CD81: variants seen among roughly 807,000 people sequenced by gnomAD.
CD81 encodes CD81 molecule.
CD81 carries 10 observed loss-of-function variants against 30.1 expected under a neutral mutation model. That is an observed-to-expected ratio of 0.33 (90% CI 0.21 to 0.56). The LOEUF is 0.56. Ranked by LOEUF, CD81 falls within the 20% of genes least tolerant of loss-of-function variation. CD81 has a pLI of 0.89. For missense variants in CD81, 263 were observed against 308.7 expected, an observed-to-expected ratio of 0.85 and a Z score of 1.11; for synonymous variants, 147 against 126.4, an observed-to-expected ratio of 1.16 and a Z score of -1.10.
At chr11:2,386,296 G>A (rs1007868381) in intron 1 of CD81, 21 of 644,106 alleles carry the variant, frequency 3.3e-5, no homozygotes, top group Non-Finnish European at 5.4e-5. Context: ...ATACGTTCAG[G>A]GCACAGGTCC....
chr11:2,376,555 G>A (rs751938983), upstream of CD81, among the ~76,000 whole-genome samples: 1 of 152,196 alleles, frequency 6.6e-6, no homozygotes, highest in East Asian at 1.9e-4. Flanking sequence ...GAAGAGCCAC[G>A]GTGTGAGGCT....
intron 3 of CD81, 139 bp from the exon 4 acceptor site, chr11:2,394,833 G>A (rs778786748): frequency 1.8e-4 from 141 of 790,122 alleles, no homozygotes; most frequent in Non-Finnish European, 2.6e-4. Context: ...CACACAAGCC[G>A]CTCACTCCTG....
At chr11:2,396,563 G>A (rs549532667) in intron 6 of CD81, 65 bp from the exon 7 acceptor site, 12 of 1,340,604 alleles carry the variant, frequency 9.0e-6, no homozygotes, top group Admixed American at 3.4e-5. Flanking sequence ...GGATTACTGC[G>A]TGACAACGGG....
At chr11:2,393,792 G>T (rs1849945593) in intron 2 of CD81, 1 of 614,152 alleles carries the variant, frequency 1.6e-6, no homozygotes, top group African/African-American at 1.8e-5. Flanking sequence ...CAGGTGGCGG[G>T]CCCCACCGCA....
intron 1 of CD81, among the ~76,000 whole-genome samples, chr11:2,381,551 G>T (rs562202968): frequency 6.6e-6 from 1 of 152,214 alleles, no homozygotes; most frequent in Non-Finnish European, 1.5e-5. Context: ...ACCTGAAATC[G>T]CACCACGGGA....
Position 2,396,926 on chromosome 11 carries a change from C to G in CD81, c.*60C>G. On this transcript the variant is annotated 3_prime_UTR_variant, in exon 8 of 8. Transcript: ENST00000263645. ...TGCCCCCTAAGTGACCCGGACACTT[C>G]CGAGGGGGCCATCACCGCCTGTGTA... The G allele has an allele frequency of 6.8e-7, 1 of 1,473,578 alleles. No homozygotes were observed. The highest frequency in any genetic ancestry group is 2.3e-5 in the East Asian group (1 of 44,014). The allele number at this position is 1,473,578 out of a possible 1,614,324, so 91.3% of individuals were successfully genotyped here.
chr11:2,390,236 T>C (rs1589850727), intron 1 of CD81, 176 bp from the exon 2 acceptor site: 1 of 681,600 alleles, frequency 1.5e-6, no homozygotes, highest in East Asian at 2.7e-5. Context: ...ACCCGCCCCA[T>C]GCTCCTGACT....
chr11:2,387,443 G>C (rs1057203690), intron 1 of CD81, among the ~76,000 whole-genome samples: 1 of 152,220 alleles, frequency 6.6e-6, no homozygotes, highest in Non-Finnish European at 1.5e-5. Context: ...GAGTTACCAC[G>C]GCAACTCTCG....
At chr11:2,384,489 A>G (rs4930099) in intron 1 of CD81, among the ~76,000 whole-genome samples, 8 of 12,816 alleles carry the variant, frequency 6.2e-4, no homozygotes, top group Admixed American at 4.1e-3. Context: ...CTTGTGGGGT[A>G]GGGCGGCTTG....
rs748700088 is a variant in CD81 at position 2,395,045 on chromosome 11, A to G, written c.353A>G (p.Gln118Arg). 1.3e-6 allele frequency: 2 copies of G among 1,511,912 alleles called. No homozygotes were observed. Among genetic ancestry groups the G allele is most frequent in the Non-Finnish European group, 1.8e-6 (2 of 1,105,852 alleles). The allele number at this position is 1,511,912 out of a possible 1,614,324, so 93.7% of individuals were successfully genotyped here. Residue 118 changes from glutamine (Q) to arginine (R), a missense_variant and splice_region_variant, in exon 4 of 8, where the codon CAG becomes CGG. By Grantham distance (43) the Gln-to-Arg change is conservative. Coordinates refer to ENST00000263645, the MANE Select transcript of CD81 (RefSeq NM_004356.4). ...AGIWGFVNKD[Q>R]IAKDVKQFYD... ...ATCTGGGGCTTTGTCAACAAGGACCAGGTGAGCCTGGGTGTGCAGGGACAG... is the reference window on the plus strand; with the variant it reads ...ATCTGGGGCTTTGTCAACAAGGACCGGGTGAGCCTGGGTGTGCAGGGACAG...
intron 1 of CD81, among the ~76,000 whole-genome samples, chr11:2,379,997 G>T (rs1849678220): frequency 1.3e-5 from 2 of 152,182 alleles, no homozygotes; most frequent in African/African-American, 2.4e-5. Flanking sequence ...CTGGTCCTGG[G>T]CCTCGGCCTT....
chr11:2,395,079 G>GCAGGGACA (rs1411640897), intron 4 of CD81, 33 bp downstream of exon 4: 1 of 1,560,208 alleles, frequency 6.4e-7, no homozygotes, highest in Admixed American at 1.7e-5. Context: ...AGGGTGGGGT[G>GCAGGGACA]GGTGACGGGG....
At chr11:2,386,050 T>TC in intron 1 of CD81, 1 of 717,230 alleles carries the variant, frequency 1.4e-6, no homozygotes, top group South Asian at 1.5e-5. Context: ...CCCAGTTGCC[T>TC]CCCCCAGCAG....
At chr11:2,379,067 G>C in intron 1 of CD81, 1 of 438,556 alleles carries the variant, frequency 2.3e-6, no homozygotes, top group Non-Finnish European at 4.7e-6. Flanking sequence ...GGCCATTTGG[G>C]AGGGGCTCGC....
rs146996563 is a variant in CD81, at chr11:2,393,847, C to G, written c.182-248C>G. 97 of 668,728 alleles carry G rather than the reference C, an allele frequency of 1.5e-4. No homozygotes were observed. In the East Asian group the frequency reaches 2.6e-3, roughly 18 times the overall value. The allele number at this position is 668,728 out of a possible 1,614,324, so 41.4% of individuals were successfully genotyped here. A position where few individuals can be genotyped will look rare whatever the true frequency, so the allele number is the denominator to read the frequency against. On this transcript the variant is annotated intron_variant, in intron 2 of 7. Coordinates refer to ENST00000263645, the MANE Select transcript of CD81 (RefSeq NM_004356.4). ...ACCTGTCGCCAGCACTCAGAGCGCT[C>G]ATGAGGTGCCCAGTCCCCATGTGGC...
intron 1 of CD81, chr11:2,385,861 A>G (rs1341945560): frequency 4.6e-6 from 3 of 646,896 alleles, no homozygotes; most frequent in East Asian, 2.8e-5. Context: ...AACGTGCTAG[A>G]ACATTTGTGT....
intron 3 of CD81, 68 bp from the exon 4 acceptor site, chr11:2,394,904 G>A (rs768685572): frequency 2.8e-4 from 392 of 1,415,918 alleles, no homozygotes; most frequent in Admixed American, 6.0e-4. Flanking sequence ...TGGGCACCTG[G>A]GTGTGTGTCC....
chr11:2,377,319 G>C lies in CD81; in HGVS notation c.-231G>C, dbSNP rs1164649244. 2 of 151,062 alleles carry C rather than the reference G, an allele frequency of 1.3e-5. No homozygotes were observed. The highest frequency in any genetic ancestry group is 3.0e-5 in the Non-Finnish European group (2 of 67,620). 9.4% of individuals were successfully genotyped at this position (151,062 alleles called of 1,614,324 possible). A position where few individuals can be genotyped will look rare whatever the true frequency, so the allele number is the denominator to read the frequency against. On this transcript the variant is annotated 5_prime_UTR_variant, in exon 1 of 8. Coordinates refer to ENST00000263645, the MANE Select transcript of CD81 (RefSeq NM_004356.4). The surrounding 1 kb of genome is among the most constrained non-coding windows in gnomAD (Gnocchi z 7.7). Reference sequence around the variant, plus strand: ...AGCGAGGCGCGCGCCCGGCCAGAGAGCGAGCGCGCAACGGCGGCGACGGCG... The same window carrying C: ...AGCGAGGCGCGCGCCCGGCCAGAGACCGAGCGCGCAACGGCGGCGACGGCG...
chr11:2,379,252 G>T (rs1849659452), intron 1 of CD81: 1 of 450,866 alleles, frequency 2.2e-6, no homozygotes, highest in African/African-American at 2.0e-5. Context: ...CTGTGGACCT[G>T]GGGGTGGGGG....
Sources: allele counts gnomAD v4.1 joint callset (sites outside exome capture counted in the v4.1 genomes callset), GRCh38; gene constraint gnomAD v4.1.1; non-coding constraint Gnocchi (gnomAD v3.1); transcripts MANE v1.5; gene names NCBI Gene and HGNC (gene_info 2026-07-23, HGNC 2026-07-21).